Variants in UIMC1 observed in about 807,000 individuals in gnomAD.
UIMC1 encodes the protein ubiquitin interaction motif containing 1.
UIMC1 carries 42 observed loss-of-function variants against 84.9 expected under a neutral mutation model. The ratio of observed to expected loss-of-function variants is 0.49; its 90% confidence interval spans 0.39 to 0.64. The LOEUF (loss-of-function observed/expected upper bound fraction) is 0.64. Ranked by LOEUF, UIMC1 falls within the 30% of genes least tolerant of loss-of-function variation. The pLI, the probability that UIMC1 is intolerant of heterozygous loss-of-function variation, is 0.00. For synonymous variants in UIMC1, 281 were observed against 293.0 expected (o/e 0.96, Z 0.42); for missense variants, 825 against 847.6 (o/e 0.97, Z 0.33).
intron 3 of UIMC1, among the ~76,000 whole-genome samples, chr5:176,973,594 G>C (rs1284876029): frequency 6.8e-6 from 1 of 146,288 alleles, no homozygotes; most frequent in African/African-American, 2.5e-5. Context: ...AAAAAAAAAA[G>C]AAAAGAAAAA....
intron 12 of UIMC1, among the ~76,000 whole-genome samples, chr5:176,908,069 A>C (rs531459280): frequency 1.3e-5 from 2 of 152,308 alleles, no homozygotes; most frequent in Admixed American, 1.3e-4. Flanking sequence ...CATAAATGCA[A>C]GTGAGAAAAC....
At chr5:176,957,123 T>C (rs138277334) in intron 7 of UIMC1, among the ~76,000 whole-genome samples, 2 of 152,128 alleles carry the variant, frequency 1.3e-5, no homozygotes, top group East Asian at 3.9e-4. Context: ...CAGAGAGGCC[T>C]ATAGGGAGTA....
At chr5:176,921,010 T>C (rs2149405745) in intron 10 of UIMC1, among the ~76,000 whole-genome samples, 1 of 152,362 alleles carries the variant, frequency 6.6e-6, no homozygotes, top group African/African-American at 2.4e-5. Context: ...TTCTCTCAAA[T>C]GCTTTTTCTG....
chr5:176,953,495 TACACACAC>T lies in UIMC1; in HGVS notation c.1340-1926_1340-1919del, dbSNP rs137955830. Among the ~76,000 whole-genome samples, 51 of 136,976 alleles carry T rather than the reference TACACACAC, an allele frequency of 3.7e-4. 2 individuals are homozygous for T. The highest frequency in any genetic ancestry group is 1.1e-3 in the African/African-American group (38 of 35,920). 89.9% of individuals were successfully genotyped at this position (136,976 alleles called of 152,430 possible). A position where few individuals can be genotyped will look rare whatever the true frequency, so the allele number is the denominator to read the frequency against. On this transcript the variant is annotated intron_variant, in intron 8 of 14. Transcript: ENST00000511320. ...CAAATTTTTTTGAAAACTGGACACA[TACACACAC>T]ACACACACACACACACACACACACA...
intron 2 of UIMC1, 148 bp from the exon 3 acceptor site, chr5:176,975,628 A>T: frequency 1.4e-6 from 1 of 708,670 alleles, no homozygotes; most frequent in Non-Finnish European, 2.3e-6. Flanking sequence ...GATCCTTTTC[A>T]GTACAAAAGG....
At chr5:177,000,719 C>T (rs1385420562) in intron 1 of UIMC1, among the ~76,000 whole-genome samples, 1 of 151,618 alleles carries the variant, frequency 6.6e-6, no homozygotes, top group Non-Finnish European at 1.5e-5. Flanking sequence ...AGGCTGGTCT[C>T]GAACTCCCGA....
chr5:176,957,302 T>C (rs1323414470), intron 7 of UIMC1, among the ~76,000 whole-genome samples: 1 of 152,092 alleles, frequency 6.6e-6, no homozygotes, highest in Admixed American at 6.6e-5. Context: ...AACTCTCATA[T>C]GGGAGAACAG....
chr5:177,008,078 C>T (rs1775445973), upstream of UIMC1, among the ~76,000 whole-genome samples: 1 of 150,562 alleles, frequency 6.6e-6, no homozygotes, highest in Non-Finnish European at 1.5e-5. Flanking sequence ...GCACTCCAGC[C>T]TGGGTGACAG....
chr5:177,015,366 G>A lies in UIMC1; in HGVS notation c.-9+7098C>T, dbSNP rs114783555. ...AACTGCTCAATTCTCAGAGATTTGT[G>A]GTTAATCCCCAGCCTGCTTGCCTCA... is the stretch of plus-strand genomic sequence containing the variant. On this transcript the variant is annotated intron_variant, in intron 1 of 5. Transcript: ENST00000509236. Among the ~76,000 whole-genome samples, 1,390 of 152,232 alleles carry A rather than the reference G, an allele frequency of 9.1e-3. 9 individuals are homozygous for A. Among genetic ancestry groups the A allele is most frequent in the South Asian group, 0.025 (121 of 4,826 alleles).
In UIMC1 at chr5:176,984,315, G is replaced by A. The variant is rs868759659; in HGVS notation, c.-8-1692C>T. Among the ~76,000 whole-genome samples, 145 of 93,108 alleles carry A rather than the reference G, an allele frequency of 1.6e-3. 2 individuals are homozygous for A. Among genetic ancestry groups the A allele is most frequent in the South Asian group, 4.3e-3 (11 of 2,562 alleles). The allele number at this position is 93,108 out of a possible 152,430, so 61.1% of individuals were successfully genotyped here. A position where few individuals can be genotyped will look rare whatever the true frequency, so the allele number is the denominator to read the frequency against. On this transcript the variant is annotated intron_variant, in intron 1 of 14. Transcript: ENST00000511320. ...CGGCCGCCACCCCGTCTGGGAAATG[G>A]GGAGTGCCTCTGCCCGGCCGCCCCG...
chr5:177,022,520 G>C, exon 1 of UIMC1: 1 of 515,066 alleles, frequency 1.9e-6, no homozygotes, highest in Non-Finnish European at 3.4e-6. Context: ...GGGAGGGGGG[G>C]GTCACTGCTG....
At position 176,985,272 on chromosome 5, in the gene UIMC1, A is replaced by G. The variant is rs549739258; in HGVS notation, c.-8-2649T>C. On this transcript the variant is annotated intron_variant, in intron 1 of 14. Coordinates refer to ENST00000511320, the MANE Select transcript of UIMC1 (RefSeq NM_001199298.2). ...GGAGTTGGAGACTATCCTGGCCAACATGGTGAAACCCTGTCTCTACTAAAA... is the reference window on the plus strand; with the variant it reads ...GGAGTTGGAGACTATCCTGGCCAACGTGGTGAAACCCTGTCTCTACTAAAA... Among the ~76,000 whole-genome samples the G allele has an allele frequency of 2.0e-5, 3 of 152,166 alleles. No homozygotes were observed. The East Asian group carries it at 5.8e-4, about 29-fold the overall frequency.
chr5:176,981,143 G>GT (rs1770973214), intron 2 of UIMC1, among the ~76,000 whole-genome samples: 1 of 141,516 alleles, frequency 7.1e-6, no homozygotes, highest in Non-Finnish European at 1.6e-5. Flanking sequence ...TTGTTTTGTT[G>GT]GTTTTTTTTT....
chr5:176,933,918 C>T lies in UIMC1; in HGVS notation c.1597+9417G>A, dbSNP rs552427924. Reference sequence around the variant, plus strand: ...TAGGGGAACAATTAAGCAAGAAGCCCTCCCTTACTCCACCAATCACCAATC... The same window carrying T: ...TAGGGGAACAATTAAGCAAGAAGCCTTCCCTTACTCCACCAATCACCAATC... On this transcript the variant is annotated intron_variant, in intron 10 of 14. Coordinates refer to ENST00000511320, the MANE Select transcript of UIMC1 (RefSeq NM_001199298.2). Among the ~76,000 whole-genome samples, 15 of 152,138 alleles carry T rather than the reference C, an allele frequency of 9.9e-5. No individual in the cohort carries two copies. In the East Asian group the frequency reaches 1.5e-3, roughly 16 times the overall value.
chr5:176,969,986 T>A, intron 4 of UIMC1: 1 of 293,086 alleles, frequency 3.4e-6, no homozygotes, highest in Non-Finnish European at 6.6e-6. Context: ...TAAAATCATT[T>A]CAGGCTGGGC....
At chr5:176,921,751 C>T (rs953633785) in intron 10 of UIMC1, among the ~76,000 whole-genome samples, 2 of 152,176 alleles carry the variant, frequency 1.3e-5, no homozygotes, top group South Asian at 4.1e-4. Context: ...TCCCCTCCAC[C>T]CCTGCTTAGT....
intron 2 of UIMC1, 146 bp from the exon 3 acceptor site, chr5:176,975,626 T>G (rs1769945166): frequency 1.4e-6 from 1 of 723,860 alleles, no homozygotes. Context: ...AAGATCCTTT[T>G]CAGTACAAAA....
intron 10 of UIMC1, among the ~76,000 whole-genome samples, chr5:176,926,993 G>C (rs1762449721): frequency 6.6e-6 from 1 of 152,086 alleles, no homozygotes; most frequent in South Asian, 2.1e-4. Context: ...GCAAAGATCA[G>C]GTAAAATAAG....
chr5:176,923,888 TACACACACACAGACACACACACACACAC>T (rs1762039957), intron 10 of UIMC1, among the ~76,000 whole-genome samples: 1 of 136,764 alleles, frequency 7.3e-6, no homozygotes, highest in Non-Finnish European at 1.5e-5. Flanking sequence ...TATATATATA[TACACACACACAGACACACACACACACAC>T]ACACACACAC....
Sources: allele counts gnomAD v4.1 joint callset (sites outside exome capture counted in the v4.1 genomes callset), GRCh38; gene constraint gnomAD v4.1.1; transcripts MANE v1.5; gene names NCBI Gene and HGNC (gene_info 2026-07-23, HGNC 2026-07-21).